Variants in SIRT2 observed in about 807,000 individuals in gnomAD.
The protein encoded by SIRT2 is sirtuin 2, also known as NAD-dependent protein deacetylase sirtuin-2.
SIRT2 carries 40 observed loss-of-function variants against 57.4 expected under a neutral mutation model. The ratio of observed to expected loss-of-function variants is 0.70; its 90% CI spans 0.54 to 0.91. The LOEUF is 0.91. Ranked by LOEUF, SIRT2 falls within the 40% of genes least tolerant of loss-of-function variation. The pLI, the probability that SIRT2 is intolerant of heterozygous loss-of-function variation, is 0.00. For missense variants in SIRT2, 439 were observed against 510.4 expected (o/e 0.86, Z 1.35); for synonymous variants, 161 against 195.7 (o/e 0.82, Z 1.48).
chr19:38,894,554 C>G (rs186147367), intron 2 of SIRT2: 277 of 296,292 alleles, frequency 9.3e-4, no homozygotes, highest in African/African-American at 5.5e-3. Context: ...CCTTCGTTCC[C>G]GGGTCCCCTG....
At chr19:38,893,924 G>C (rs760335318) in intron 2 of SIRT2, 57 bp from the exon 3 acceptor site, 1 of 1,610,514 alleles carries the variant, frequency 6.2e-7, no homozygotes, top group Non-Finnish European at 8.5e-7. Context: ...GGAGGGAGGA[G>C]AGGGGGTGAT....
In SIRT2 at chr19:38,889,948, G is replaced by A. The variant is rs1006649779; in HGVS notation, c.282C>T (p.Pro94=). 5.0e-6 allele frequency: 8 copies of A among 1,614,024 alleles called. No individual in the cohort carries two copies. Among genetic ancestry groups the A allele is most frequent in the Admixed American group, 3.3e-5 (2 of 60,010 alleles). Residue 94 remains proline, a synonymous_variant, in exon 6 of 16, where the codon CCC becomes CCT. Transcript: ENST00000249396. ...GAGISTSAGI[P]DFRSPSTGLY... ...GGCCGGTGGATGGAGAGCGAAAGTC[G>A]GGGATGCCTGCGGCTAGGAAAGGGG...
At chr19:38,893,787 C>T (rs1244164089) in intron 3 of SIRT2, 32 bp downstream of exon 3, 1 of 1,613,068 alleles carries the variant, frequency 6.2e-7, no homozygotes, top group African/African-American at 1.3e-5. Context: ...CCCCCAGAAC[C>T]CTGCTCCCTG....
At chr19:38,879,825 G>T in intron 13 of SIRT2, 123 bp from the exon 14 acceptor site, 1 of 694,286 alleles carries the variant, frequency 1.4e-6, no homozygotes, top group East Asian at 2.7e-5. Context: ...TTTTGTTGTT[G>T]TTTTTTTGGT....
In SIRT2 at chr19:38,890,151, G is replaced by A; in HGVS notation, c.227-7C>T. 1 of 1,614,176 alleles carries A rather than the reference G, an allele frequency of 6.2e-7. No individual in the cohort carries two copies. The highest frequency in any genetic ancestry group is 8.5e-7 in the Non-Finnish European group (1 of 1,180,008). ...AAACAGATGACTCTGCGACCTGGAGGAGAGGAACTTATGCACCATATGACA... is the reference window on the plus strand; with the variant it reads ...AAACAGATGACTCTGCGACCTGGAGAAGAGGAACTTATGCACCATATGACA... On this transcript the variant is annotated splice_polypyrimidine_tract_variant and splice_region_variant and intron_variant, in intron 4 of 15. Transcript: ENST00000249396.
chr19:38,893,439 C>T lies in SIRT2; in HGVS notation c.201G>A (p.Val67=), dbSNP rs1001733536. The T allele has an allele frequency of 1.1e-5, 17 of 1,613,624 alleles. No homozygotes were observed. The highest frequency in any genetic ancestry group is 1.4e-5 in the Non-Finnish European group (17 of 1,179,664). Reference sequence around the variant, plus strand: ...AGCGTTCGCTCTGCATGTACCGGGCCACCCCTTCCAAGGTCAGCTCGTCCA... The same window carrying T: ...AGCGTTCGCTCTGCATGTACCGGGCTACCCCTTCCAAGGTCAGCTCGTCCA... ...RLLDELTLEG[V]ARYMQSERCR... is the part of the protein sequence containing the mutation. Residue 67 remains valine (V), a synonymous_variant, in exon 4 of 16, where the codon GTG becomes GTA. Coordinates refer to ENST00000249396, the MANE Select transcript of SIRT2 (RefSeq NM_012237.4).
intron 13 of SIRT2, 117 bp from the exon 14 acceptor site, chr19:38,879,819 G>T (rs998145322): frequency 1.4e-5 from 10 of 726,452 alleles, no homozygotes; most frequent in South Asian, 1.9e-5. Context: ...TTTTTTTTTT[G>T]TTGTTGTTTT....
At chr19:38,889,636 C>T (rs1973458910) in intron 7 of SIRT2, 53 bp downstream of exon 7, 38 of 1,600,060 alleles carry the variant, frequency 2.4e-5, no homozygotes, top group South Asian at 7.7e-5. Context: ...GCTTCTCATG[C>T]GTGCCCTCCC....
At chr19:38,879,803 A>G in intron 13 of SIRT2, 101 bp from the exon 14 acceptor site, 1 of 816,744 alleles carries the variant, frequency 1.2e-6, no homozygotes. Flanking sequence ...TAGCTCTGTG[A>G]CTTTGTTTTT....
intron 8 of SIRT2, among the ~76,000 whole-genome samples, chr19:38,887,206 C>T (rs1973370608): frequency 6.6e-6 from 1 of 152,164 alleles, no homozygotes; most frequent in Non-Finnish European, 1.5e-5. Context: ...GTTCCAGGGA[C>T]CCATGACCAT....
chr19:38,894,762 C>G (rs1481728633), intron 2 of SIRT2: 1 of 455,706 alleles, frequency 2.2e-6, no homozygotes, highest in Non-Finnish European at 4.4e-6. Flanking sequence ...CTCAGCCCAG[C>G]TCCAGACTGG....
chr19:38,899,372 C>T (rs940284641), intron 1 of SIRT2, 134 bp downstream of exon 1: 13 of 978,876 alleles, frequency 1.3e-5, no homozygotes, highest in Non-Finnish European at 1.8e-5. Flanking sequence ...CGCTAAGCAA[C>T]AGCCCTCAGA....
intron 2 of SIRT2, among the ~76,000 whole-genome samples, chr19:38,896,623 A>T (rs1209539936): frequency 6.6e-6 from 1 of 152,196 alleles, no homozygotes; most frequent in African/African-American, 2.4e-5. Context: ...TTGCCCTGTG[A>T]CGGACAATGC....
rs201687831 is a variant in SIRT2 at position 38,879,288 on chromosome 19, C to G, written c.1037G>C (p.Arg346Pro). 2 of 1,613,208 alleles carry G rather than the reference C, an allele frequency of 1.2e-6. No homozygotes were observed. Among genetic ancestry groups the G allele is most frequent in the South Asian group, 2.2e-5 (2 of 91,062 alleles). Residue 346 changes from arginine (R) to proline (P), a missense_variant, in exon 16 of 16, where the codon CGG (arginine) becomes CCG (proline). By Grantham distance (103) the Arg-to-Pro change is moderately radical. Coordinates refer to ENST00000249396, the MANE Select transcript of SIRT2 (RefSeq NM_012237.4). ...GGCATCTATGCTGGCGTGCTCCCTC[C>G]GGACAAGGTCCTCCAGCTCCTTCTG... ...GWKKELEDLV[R>P]REHASIDAQS...
intron 4 of SIRT2, 39 bp downstream of exon 4, chr19:38,893,375 G>A (rs1382647930): frequency 2.3e-6 from 3 of 1,304,042 alleles, no homozygotes; most frequent in Middle Eastern, 1.8e-4. Context: ...TTGGGGCCAG[G>A]AGCCAGGCAA....
In SIRT2 at chr19:38,891,908, G is replaced by A. The variant is rs754726678; in HGVS notation, c.226+1506C>T. Reference sequence around the variant, plus strand: ...GGCTGCAGACAGCTGCTCGCCTGCCGCAGGAGAGGGAGGCTCAGGGCAGCA... The same window carrying A: ...GGCTGCAGACAGCTGCTCGCCTGCCACAGGAGAGGGAGGCTCAGGGCAGCA... On this transcript the variant is annotated intron_variant, in intron 4 of 15. Transcript: ENST00000249396. 9.8e-5 allele frequency: 46 copies of A among 469,628 alleles called. 1 individual carries two copies. The highest frequency in any genetic ancestry group is 6.2e-4 in the South Asian group (40 of 64,504). 29.1% of individuals were successfully genotyped at this position (469,628 alleles called of 1,614,324 possible). A position where few individuals can be genotyped will look rare whatever the true frequency, so the allele number is the denominator to read the frequency against.
intron 7 of SIRT2, 87 bp downstream of exon 7, chr19:38,889,602 A>G: frequency 6.8e-7 from 1 of 1,470,024 alleles, no homozygotes. Flanking sequence ...GCTACATAAT[A>G]TTTGTCTGCA....
intron 2 of SIRT2, chr19:38,895,008 G>C (rs377143306): frequency 7.2e-5 from 32 of 445,548 alleles, no homozygotes; most frequent in African/African-American, 3.8e-4. Flanking sequence ...CCTCCTCCCA[G>C]GCCTCATCTC....
intron 4 of SIRT2, chr19:38,890,430 C>T: frequency 2.2e-6 from 1 of 450,624 alleles, no homozygotes; most frequent in Non-Finnish European, 4.0e-6. Context: ...GTGGCTCATG[C>T]CTGTAATCCC....
Sources: gnomAD v4.1 joint callset for allele counts (sites outside exome capture counted in the v4.1 genomes callset) on GRCh38, gnomAD v4.1.1 for gene constraint, MANE v1.5 for transcripts, NCBI Gene and HGNC (gene_info 2026-07-23, HGNC 2026-07-21) for gene names.